MARCHF8: variants seen among roughly 807,000 people sequenced by gnomAD.
MARCHF8 encodes membrane associated ring-CH-type finger 8, also known as E3 ubiquitin-protein ligase MARCHF8.
MARCHF8 carries 40 observed loss-of-function variants against 51.6 expected under a neutral mutation model. The ratio of observed to expected loss-of-function variants is 0.77; its 90% CI spans 0.60 to 1.01. The LOEUF is 1.01. Ranked by LOEUF, MARCHF8 falls within the 50% of genes least tolerant of loss-of-function variation. MARCHF8 has a pLI of 0.00. For missense variants in MARCHF8, 685 were observed against 708.6 expected, an observed-to-expected ratio of 0.97 and a Z score of 0.38; for synonymous variants, 263 against 280.3, an observed-to-expected ratio of 0.94 and a Z score of 0.62.
In MARCHF8 at chr10:45,458,120, A is replaced by G. The variant is rs1012183352; in HGVS notation, c.*119T>C. 32 of 1,082,982 alleles carry G rather than the reference A, an allele frequency of 3.0e-5. No individual in the cohort carries two copies. The highest frequency in any genetic ancestry group is 3.9e-5 in the Non-Finnish European group (30 of 774,558). 67.1% of individuals were successfully genotyped at this position (1,082,982 alleles called of 1,614,324 possible). On this transcript the variant is annotated 3_prime_UTR_variant, in exon 8 of 8. Coordinates refer to ENST00000453424, the MANE Select transcript of MARCHF8 (RefSeq NM_001282866.2). ...AGGGTTTAGAAAAAGAGAAGCCACTATAAATAGTCACCTGTCCAGTCTATG... is the reference window on the plus strand; with the variant it reads ...AGGGTTTAGAAAAAGAGAAGCCACTGTAAATAGTCACCTGTCCAGTCTATG...
intron 3 of MARCHF8, among the ~76,000 whole-genome samples, chr10:45,487,102 C>T (rs541030287): frequency 1.3e-5 from 2 of 152,186 alleles, no homozygotes; most frequent in African/African-American, 4.8e-5. Context: ...TGAGCCACCA[C>T]GCCTGGCTTA....
rs541518907 is a variant in MARCHF8, at chr10:45,540,619, A to G, written c.-78-7330T>C. On this transcript the variant is annotated intron_variant, in intron 1 of 6. Coordinates refer to the MARCHF8 transcript ENST00000319836. Reference sequence around the variant, plus strand: ...TGCACAGCAAAAGAAACTACCATCAAAGTGAACAGGCAACCTACAGAATGG... The same window carrying G: ...TGCACAGCAAAAGAAACTACCATCAGAGTGAACAGGCAACCTACAGAATGG... Among the ~76,000 whole-genome samples, 257 of 152,208 alleles carry G rather than the reference A, an allele frequency of 1.7e-3. 1 individual carries two copies. The highest frequency in any genetic ancestry group is 5.0e-3 in the African/African-American group (209 of 41,508).
At chr10:45,478,130 A>G (rs1179818377) in intron 3 of MARCHF8, among the ~76,000 whole-genome samples, 1 of 152,308 alleles carries the variant, frequency 6.6e-6, no homozygotes, top group African/African-American at 2.4e-5. Flanking sequence ...CACACAGACC[A>G]TTCTTCAGGA....
chr10:45,547,928 G>A (rs1049068439), intron 1 of MARCHF8, among the ~76,000 whole-genome samples: 1 of 152,132 alleles, frequency 6.6e-6, no homozygotes. Flanking sequence ...TAGTTAGGTC[G>A]AATTCATGGC....
intron 2 of MARCHF8, among the ~76,000 whole-genome samples, chr10:45,495,536 T>C (rs1287964726): frequency 6.6e-6 from 1 of 152,068 alleles, no homozygotes; most frequent in Non-Finnish European, 1.5e-5. Context: ...CTCTCCATAC[T>C]TCCCTTATAT....
At chr10:45,591,370 C>A (rs1257357293) in intron 1 of MARCHF8, among the ~76,000 whole-genome samples, 1 of 151,952 alleles carries the variant, frequency 6.6e-6, no homozygotes, top group Non-Finnish European at 1.5e-5. Context: ...GAGGTTGAGG[C>A]AGGAGAATTG....
chr10:45,528,578 G>A (rs144033464), intron 2 of MARCHF8, among the ~76,000 whole-genome samples: 2,969 of 152,234 alleles, frequency 0.02, 71 homozygotes, highest in Admixed American at 0.059. Flanking sequence ...TCCCACCTCA[G>A]CATCCCAAGT....
upstream of MARCHF8, among the ~76,000 whole-genome samples, chr10:45,536,816 C>T (rs966324821): frequency 1.4e-5 from 2 of 144,824 alleles, no homozygotes; most frequent in African/African-American, 5.1e-5. Flanking sequence ...TGAAACATAG[C>T]GAGGCCCCAT....
intron 1 of MARCHF8, among the ~76,000 whole-genome samples, chr10:45,555,319 G>C (rs2044239723): frequency 1.4e-5 from 2 of 148,074 alleles, no homozygotes; most frequent in Non-Finnish European, 2.9e-5. Flanking sequence ...AGCTACCTGG[G>C]AGGGTAAGGA....
intron 1 of MARCHF8, among the ~76,000 whole-genome samples, chr10:45,588,996 TTCAAAA>T (rs1371255229): frequency 9.1e-6 from 1 of 109,678 alleles, no homozygotes; most frequent in Non-Finnish European, 1.9e-5. Flanking sequence ...AAGACTACGT[TTCAAAA>T]AAAAAAAAAA....
chr10:45,473,825 C>T (rs2042738847), intron 3 of MARCHF8, among the ~76,000 whole-genome samples: 1 of 152,158 alleles, frequency 6.6e-6, no homozygotes. Flanking sequence ...AGCCATCACC[C>T]CCAGCCACTG....
At chr10:45,464,751 T>G (rs1366700698) in intron 3 of MARCHF8, among the ~76,000 whole-genome samples, 1 of 152,120 alleles carries the variant, frequency 6.6e-6, no homozygotes, top group Non-Finnish European at 1.5e-5. Context: ...CTGGTAGATT[T>G]AAGAGCTCTC....
At chr10:45,480,188 A>G (rs1168660325) in intron 3 of MARCHF8, among the ~76,000 whole-genome samples, 1 of 152,190 alleles carries the variant, frequency 6.6e-6, no homozygotes, top group Non-Finnish European at 1.5e-5. Flanking sequence ...ATTTCTAAGC[A>G]CCAAAGCATT....
chr10:45,524,900 G>C (rs17157887), intron 2 of MARCHF8, among the ~76,000 whole-genome samples: 9,395 of 152,278 alleles, frequency 0.062, 334 homozygotes, highest in Non-Finnish European at 0.067. Flanking sequence ...AACTGGCCAT[G>C]ATAATACAGA....
chr10:45,511,798 T>G (rs1243818014), intron 2 of MARCHF8, among the ~76,000 whole-genome samples: 5 of 150,380 alleles, frequency 3.3e-5, no homozygotes, highest in African/African-American at 1.2e-4. Context: ...CCTCCCAAAG[T>G]GCCGAGATTG....
intron 1 of MARCHF8, among the ~76,000 whole-genome samples, chr10:45,549,912 C>T (rs1055659196): frequency 6.6e-6 from 1 of 152,198 alleles, no homozygotes; most frequent in African/African-American, 2.4e-5. Flanking sequence ...GGCTGCAGAA[C>T]TGTAAGAACT....
rs770368745 is a variant in MARCHF8 at position 45,512,048 on chromosome 10, T to TC, written c.102+21061dup. On this transcript the variant is annotated intron_variant, in intron 2 of 7. Coordinates refer to ENST00000453424, the MANE Select transcript of MARCHF8 (RefSeq NM_001282866.2). Reference sequence around the variant, plus strand: ...CATCCCATCTAGGAAGTAAGGAGCGTCTCTGCCCGGCCGCCCATCGCCTGA... The same window carrying TC: ...CATCCCATCTAGGAAGTAAGGAGCGTCCTCTGCCCGGCCGCCCATCGCCTGA... Among the ~76,000 whole-genome samples the TC allele has an allele frequency of 1.5e-4, 22 of 143,834 alleles. No homozygotes were observed. In the East Asian group the frequency reaches 2.1e-3, roughly 14 times the overall value. 94.4% of individuals were successfully genotyped at this position (143,834 alleles called of 152,430 possible).
intron 2 of MARCHF8, among the ~76,000 whole-genome samples, chr10:45,521,690 T>C (rs936162029): frequency 6.6e-6 from 1 of 152,244 alleles, no homozygotes; most frequent in Non-Finnish European, 1.5e-5. Flanking sequence ...TTTCGTATAA[T>C]TTACTATTTA....
chr10:45,580,303 TAAGTA>T (rs2133420359), intron 1 of MARCHF8, among the ~76,000 whole-genome samples: 1 of 152,164 alleles, frequency 6.6e-6, no homozygotes, highest in South Asian at 2.1e-4. Flanking sequence ...AGGATGATCT[TAAGTA>T]AAAAAAAAAA....
Sources: allele counts gnomAD v4.1 joint callset (sites outside exome capture counted in the v4.1 genomes callset), GRCh38; gene constraint gnomAD v4.1.1; transcripts MANE v1.5; gene names NCBI Gene and HGNC (gene_info 2026-07-23, HGNC 2026-07-21).